Variants in TRDN observed in about 807,000 individuals in gnomAD.
The protein encoded by TRDN is triadin.
In TRDN, 161 loss-of-function variants were observed where a neutral mutation model predicts 149.7. The ratio of observed to expected loss-of-function variants is 1.08; its 90% CI spans 0.95 to 1.23. The LOEUF is 1.23. Ranked by LOEUF, TRDN falls within the 50% of genes most tolerant of loss-of-function variation. The probability of loss-of-function intolerance (pLI) is 0.00; values close to 1 mark genes in which losing one functional copy is unlikely to be tolerated. For synonymous variants in TRDN, 294 were observed against 250.5 expected (o/e 1.17, Z -1.64); for missense variants, 896 against 823.5 (o/e 1.09, Z -1.08).
At chr6:123,509,013 A>G (rs1779048174) in intron 7 of TRDN, among the ~76,000 whole-genome samples, 1 of 152,146 alleles carries the variant, frequency 6.6e-6, no homozygotes. Context: ...AAAAGCATAT[A>G]CTGTATACAA....
At chr6:123,437,294 C>T (rs1774617704) in intron 12 of TRDN, 1 of 270,872 alleles carries the variant, frequency 3.7e-6, no homozygotes, top group South Asian at 4.3e-5. Flanking sequence ...TTCAGCAGCT[C>T]CTAATCTCCC....
intron 12 of TRDN, among the ~76,000 whole-genome samples, chr6:123,426,137 G>A (rs1774110807): frequency 6.6e-6 from 1 of 152,136 alleles, no homozygotes; most frequent in South Asian, 2.1e-4. Context: ...CAAGAAGGCA[G>A]AGAATGTAAG....
At chr6:123,363,576 G>A in intron 20 of TRDN, among the ~76,000 whole-genome samples, 1 of 152,170 alleles carries the variant, frequency 6.6e-6, no homozygotes, top group East Asian at 1.9e-4. Flanking sequence ...AGTAGTTGAT[G>A]TCAATAATGC....
At chr6:123,461,846 T>G (rs1057242418) in intron 10 of TRDN, among the ~76,000 whole-genome samples, 1 of 152,222 alleles carries the variant, frequency 6.6e-6, no homozygotes, top group African/African-American at 2.4e-5. Context: ...ACTATTTGAT[T>G]TGAGGAAAAA....
intron 9 of TRDN, among the ~76,000 whole-genome samples, chr6:123,485,383 G>A (rs1181810163): frequency 1.3e-5 from 2 of 152,082 alleles, no homozygotes; most frequent in Non-Finnish European, 2.9e-5. Context: ...AATAAAAATT[G>A]CTGCTCTGGG....
intron 24 of TRDN, among the ~76,000 whole-genome samples, chr6:123,281,154 T>C (rs1353008603): frequency 6.6e-6 from 1 of 152,082 alleles, no homozygotes; most frequent in Non-Finnish European, 1.5e-5. Context: ...TGTTAAACCA[T>C]TTACAGTGTT....
At chr6:123,485,875 A>G (rs1285535470) in intron 9 of TRDN, among the ~76,000 whole-genome samples, 1 of 151,976 alleles carries the variant, frequency 6.6e-6, no homozygotes, top group Non-Finnish European at 1.5e-5. Flanking sequence ...TTTCTCTCCT[A>G]TTCATTCCAT....
chr6:123,339,507 A>G (rs561999312), intron 21 of TRDN, among the ~76,000 whole-genome samples: 1 of 152,310 alleles, frequency 6.6e-6, no homozygotes, highest in East Asian at 1.9e-4. Flanking sequence ...GGAAACATCC[A>G]GCAAGCAGTT....
At chr6:123,465,797 T>A (rs923388731) in intron 9 of TRDN, among the ~76,000 whole-genome samples, 1 of 152,216 alleles carries the variant, frequency 6.6e-6, no homozygotes, top group African/African-American at 2.4e-5. Flanking sequence ...GTGTGTTTTT[T>A]ATCCAGAAAT....
intron 2 of TRDN, among the ~76,000 whole-genome samples, chr6:123,557,797 G>A (rs1212131520): frequency 1.3e-5 from 2 of 151,282 alleles, no homozygotes; most frequent in East Asian, 2.0e-4. Context: ...TTCCTGGGGG[G>A]CAAGCACCCC....
At chr6:123,245,404 C>T (rs1425084989) in intron 38 of TRDN, among the ~76,000 whole-genome samples, 3 of 151,744 alleles carry the variant, frequency 2.0e-5, no homozygotes, top group Non-Finnish European at 2.9e-5. Flanking sequence ...GGAAGATTTA[C>T]CAAGCAAATG....
chr6:123,341,837 T>C (rs1582894231), intron 21 of TRDN, among the ~76,000 whole-genome samples: 1 of 151,998 alleles, frequency 6.6e-6, no homozygotes, highest in East Asian at 1.9e-4. Flanking sequence ...CTGGGCTGTA[T>C]TGGCATGTTA....
At chr6:123,467,370 C>T (rs1185194312) in intron 9 of TRDN, among the ~76,000 whole-genome samples, 5 of 150,234 alleles carry the variant, frequency 3.3e-5, no homozygotes, top group African/African-American at 4.9e-5. Flanking sequence ...TTAGAACACA[C>T]AAACTGGTGC....
intron 24 of TRDN, among the ~76,000 whole-genome samples, chr6:123,290,073 A>T (rs1325824820): frequency 6.6e-6 from 1 of 151,900 alleles, no homozygotes; most frequent in East Asian, 1.9e-4. Flanking sequence ...CTGCCTGAAC[A>T]TTTTTCTTTA....
intron 2 of TRDN, among the ~76,000 whole-genome samples, chr6:123,558,892 T>C (rs1023481174): frequency 6.6e-6 from 1 of 152,140 alleles, no homozygotes; most frequent in Admixed American, 6.5e-5. Flanking sequence ...CTCCAGAACC[T>C]CCTCCCCCAG....
At chr6:123,443,643 T>A (rs1187489059) in intron 10 of TRDN, among the ~76,000 whole-genome samples, 1 of 151,988 alleles carries the variant, frequency 6.6e-6, no homozygotes, top group Non-Finnish European at 1.5e-5. Flanking sequence ...ATACAAAAAA[T>A]TAGCCAGGGG....
intron 24 of TRDN, among the ~76,000 whole-genome samples, chr6:123,283,309 G>A (rs1777667892): frequency 6.6e-6 from 1 of 151,758 alleles, no homozygotes; most frequent in Non-Finnish European, 1.5e-5. Flanking sequence ...CTGTGACACA[G>A]CAAAGGTGGT....
Position 123,217,266 on chromosome 6 carries a change from G to T in TRDN, c.*1335C>A, listed in dbSNP as rs1000755516. 5.3e-5 allele frequency: 8 copies of T among 151,886 alleles called. No individual in the cohort carries two copies. Among genetic ancestry groups the T allele is most frequent in the Non-Finnish European group, 4.4e-5 (3 of 67,914 alleles). 9.4% of individuals were successfully genotyped at this position (151,886 alleles called of 1,614,324 possible). On this transcript the variant is annotated 3_prime_UTR_variant, in exon 41 of 41. Coordinates refer to ENST00000334268, the MANE Select transcript of TRDN (RefSeq NM_006073.4). Reference sequence around the variant, plus strand: ...TTTTTAGTGACTGTTTTATATCTTGGTCCTAAAGAACCGTAGTTAGTGGCA... The same window carrying T: ...TTTTTAGTGACTGTTTTATATCTTGTTCCTAAAGAACCGTAGTTAGTGGCA...
At chr6:123,578,966 T>C (rs982329404) in intron 1 of TRDN, among the ~76,000 whole-genome samples, 4 of 152,134 alleles carry the variant, frequency 2.6e-5, no homozygotes, top group African/African-American at 9.7e-5. Context: ...GTTGTTGGTG[T>C]ATAGGAATGC....
Sources: allele counts gnomAD v4.1 joint callset (sites outside exome capture counted in the v4.1 genomes callset), GRCh38; gene constraint gnomAD v4.1.1; transcripts MANE v1.5; gene names NCBI Gene and HGNC (gene_info 2026-07-23, HGNC 2026-07-21).